ABCA4: variants seen among roughly 807,000 people sequenced by gnomAD.
ABCA4 encodes the protein ATP binding cassette subfamily A member 4.
ABCA4 carries 196 observed loss-of-function variants against 263.7 expected under a neutral mutation model. The observed-to-expected ratio is 0.74, with a 90% CI of 0.66 to 0.84. The LOEUF (loss-of-function observed/expected upper bound fraction) is 0.84. Ranked by LOEUF, ABCA4 falls within the 40% of genes least tolerant of loss-of-function variation. The pLI is 0.00. For missense variants in ABCA4, 2,792 were observed against 2,855.1 expected (o/e 0.98, Z 0.50); for synonymous variants, 1,133 against 1,094.2 (o/e 1.04, Z -0.70).
intron 9 of ABCA4, 37 bp downstream of exon 9, chr1:94,079,285 T>C (rs1470513962): frequency 6.2e-7 from 1 of 1,612,594 alleles, no homozygotes; most frequent in East Asian, 2.2e-5. Context: ...TTCTGGGAGG[T>C]CCAGGGTACA....
chr1:93,996,972 G>A (rs1459733376), intron 48 of ABCA4, among the ~76,000 whole-genome samples: 1 of 152,168 alleles, frequency 6.6e-6, no homozygotes, highest in Non-Finnish European at 1.5e-5. Context: ...TAGAACAGTA[G>A]TTGCCAAGGG....
chr1:93,995,967 G>A, intron 49 of ABCA4, 142 bp downstream of exon 49: 1 of 700,806 alleles, frequency 1.4e-6, no homozygotes, highest in South Asian at 1.6e-5. Context: ...ATGTGGTGGG[G>A]ACTTGGTAGG....
At chr1:94,089,278 A>G (rs1355381237) in intron 6 of ABCA4, among the ~76,000 whole-genome samples, 1 of 152,210 alleles carries the variant, frequency 6.6e-6, no homozygotes, top group African/African-American at 2.4e-5. Context: ...GTGAATACTT[A>G]GAAGTGTTTG....
At chr1:94,042,115 A>G (rs1015215432) in intron 22 of ABCA4, among the ~76,000 whole-genome samples, 7 of 151,416 alleles carry the variant, frequency 4.6e-5, no homozygotes, top group South Asian at 2.1e-4. Context: ...AAAAAAAAAA[A>G]AAAAAGAAAA....
intron 16 of ABCA4, among the ~76,000 whole-genome samples, chr1:94,053,532 G>T (rs1660895362): frequency 6.6e-6 from 1 of 152,224 alleles, no homozygotes; most frequent in Non-Finnish European, 1.5e-5. Flanking sequence ...TAGTTGAGAT[G>T]AGGTCACATG....
chr1:94,014,808 T>G, intron 37 of ABCA4, 118 bp from the exon 38 acceptor site: 1 of 1,310,490 alleles, frequency 7.6e-7, no homozygotes, highest in Non-Finnish European at 1.1e-6. Context: ...CTGGCCAGAG[T>G]CCCAGGGGAC....
chr1:94,069,465 C>T (rs1057225186), intron 11 of ABCA4, among the ~76,000 whole-genome samples: 4 of 152,112 alleles, frequency 2.6e-5, no homozygotes, highest in African/African-American at 7.2e-5. Flanking sequence ...AGCCACTGCC[C>T]GCTTAGAGAT....
chr1:93,995,283 A>G (rs1225507482), intron 49 of ABCA4, among the ~76,000 whole-genome samples: 1 of 152,248 alleles, frequency 6.6e-6, no homozygotes, highest in East Asian at 1.9e-4. Flanking sequence ...CAATCCAGAA[A>G]CTGGGCAGAA....
At chr1:94,008,121 G>A in intron 42 of ABCA4, 114 bp downstream of exon 42, 1 of 946,352 alleles carries the variant, frequency 1.1e-6, no homozygotes, top group Non-Finnish European at 1.7e-6. Context: ...TTACATATGT[G>A]ACTTGCATTA....
chr1:94,114,512 AGTCTCACTCT>A (rs1344582912), intron 1 of ABCA4, among the ~76,000 whole-genome samples: 1 of 151,634 alleles, frequency 6.6e-6, no homozygotes, highest in Non-Finnish European at 1.5e-5. Flanking sequence ...TTTGAGACGG[AGTCTCACTCT>A]GTTGCCCAGG....
intron 10 of ABCA4, 21 bp from the exon 11 acceptor site, chr1:94,077,908 T>A (rs1207316543): frequency 2.5e-6 from 4 of 1,602,066 alleles, no homozygotes; most frequent in Non-Finnish European, 3.4e-6. Context: ...AGAAATACAG[T>A]CACTGCTCTG....
intron 44 of ABCA4, among the ~76,000 whole-genome samples, chr1:94,002,902 T>G (rs905582647): frequency 1.3e-5 from 2 of 152,240 alleles, no homozygotes; most frequent in African/African-American, 4.8e-5. Context: ...ATCTCCATTT[T>G]TAACTTTTTA....
At chr1:94,096,839 A>G (rs1662134111) in intron 6 of ABCA4, among the ~76,000 whole-genome samples, 1 of 152,154 alleles carries the variant, frequency 6.6e-6, no homozygotes, top group African/African-American at 2.4e-5. Flanking sequence ...CTTCATGGTG[A>G]CGAGAGGATT....
chr1:94,111,386 G>T (rs1364899834), intron 3 of ABCA4, 52 bp downstream of exon 3: 2 of 1,603,658 alleles, frequency 1.2e-6, no homozygotes, highest in East Asian at 2.2e-5. Flanking sequence ...ATTTCAGCAC[G>T]TGAAGGGGTG....
intron 20 of ABCA4, 115 bp from the exon 21 acceptor site, chr1:94,043,590 TGTG>T (rs1201504824): frequency 1.4e-6 from 2 of 1,399,480 alleles, no homozygotes; most frequent in Non-Finnish European, 2.0e-6. Flanking sequence ...AGATGCTCAC[TGTG>T]GTGGTGTTTA....
chr1:94,048,958 C>T lies in ABCA4; in HGVS notation c.2654-1G>A. On this transcript the variant is annotated splice_acceptor_variant, in intron 17 of 49. Coordinates refer to ENST00000370225, the MANE Select transcript of ABCA4 (RefSeq NM_000350.3). LOFTEE classifies it high-confidence loss of function. ...GCTCTTTCTTCTCTGGTTGAACACCCTGCACCAATCAGAAGCCAGTGTTAC... is the reference window on the plus strand; with the variant it reads ...GCTCTTTCTTCTCTGGTTGAACACCTTGCACCAATCAGAAGCCAGTGTTAC... 1.2e-6 allele frequency: 2 copies of T among 1,613,972 alleles called. No individual in the cohort carries two copies. Among genetic ancestry groups the T allele is most frequent in the Non-Finnish European group, 1.7e-6 (2 of 1,179,946 alleles).
chr1:94,015,951 G>T, intron 36 of ABCA4, 97 bp from the exon 37 acceptor site: 1 of 1,034,746 alleles, frequency 9.7e-7, no homozygotes, highest in Non-Finnish European at 1.5e-6. Flanking sequence ...CAGCTCGTAG[G>T]GTCTGGGATT....
intron 1 of ABCA4, among the ~76,000 whole-genome samples, chr1:94,114,438 G>GCA (rs1203188201): frequency 4.0e-5 from 6 of 151,454 alleles, no homozygotes; most frequent in Admixed American, 6.6e-5. Flanking sequence ...GAGGAAGCGC[G>GCA]CACACACACA....
At chr1:94,023,286 G>T in intron 32 of ABCA4, 100 bp downstream of exon 32, 1 of 992,198 alleles carries the variant, frequency 1.0e-6, no homozygotes, top group Non-Finnish European at 1.6e-6. Flanking sequence ...CTACAGAACA[G>T]CCCCTCCTCA....
Sources: gnomAD v4.1 joint callset for allele counts (sites outside exome capture counted in the v4.1 genomes callset) on GRCh38, gnomAD v4.1.1 for gene constraint, MANE v1.5 for transcripts, NCBI Gene and HGNC (gene_info 2026-07-23, HGNC 2026-07-21) for gene names.